SNTG1: variants seen among roughly 807,000 people sequenced by gnomAD.
SNTG1 encodes syntrophin gamma 1, also known as gamma-1-syntrophin.
A neutral mutation model predicts 74.7 loss-of-function variants in SNTG1; 39 were observed. That is an observed-to-expected ratio of 0.52 (90% CI 0.40 to 0.68). SNTG1 has a LOEUF of 0.68. Ranked by LOEUF, SNTG1 falls within the 30% of genes least tolerant of loss-of-function variation. The probability of loss-of-function intolerance (pLI) is 0.00; values close to 1 mark genes in which losing one functional copy is unlikely to be tolerated. For missense variants in SNTG1, 685 were observed against 609.5 expected (o/e 1.12, Z -1.30); for synonymous variants, 254 against 217.1 (o/e 1.17, Z -1.49).
intron 8 of SNTG1, among the ~76,000 whole-genome samples, chr8:50,451,461 G>C (rs1170657277): frequency 6.6e-6 from 1 of 152,146 alleles, no homozygotes; most frequent in Non-Finnish European, 1.5e-5. Flanking sequence ...GTCTGTGTGT[G>C]TGAGTTTGTG....
In SNTG1 at chr8:50,449,603, T is replaced by C. The variant is rs570553881; in HGVS notation, c.220-65T>C. 9 of 1,314,534 alleles carry C rather than the reference T, an allele frequency of 6.8e-6. No homozygotes were observed. In the Admixed American group the frequency reaches 9.0e-5, roughly 13 times the overall value. 81.4% of individuals were successfully genotyped at this position (1,314,534 alleles called of 1,614,324 possible). A position where few individuals can be genotyped will look rare whatever the true frequency, so the allele number is the denominator to read the frequency against. ...AACATTCCCTTCAGAGCCTGTATGG[T>C]TTCTTAGCTAAAAGCAGCATTTTTT... On this transcript the variant is annotated intron_variant, in intron 5 of 18. Transcript: ENST00000642720.
chr8:50,621,243 C>T (rs1484204616), intron 13 of SNTG1, among the ~76,000 whole-genome samples: 1 of 152,028 alleles, frequency 6.6e-6, no homozygotes, highest in African/African-American at 2.4e-5. Flanking sequence ...GTGACTCAGA[C>T]CATGCCTCCA....
chr8:50,328,936 C>T (rs1375952404), intron 2 of SNTG1, among the ~76,000 whole-genome samples: 2 of 152,220 alleles, frequency 1.3e-5, no homozygotes, highest in African/African-American at 2.4e-5. Context: ...AAGTTAGGTA[C>T]TTCCAAGACA....
intron 2 of SNTG1, among the ~76,000 whole-genome samples, chr8:50,195,722 G>C (rs1164648731): frequency 1.3e-5 from 2 of 152,140 alleles, no homozygotes; most frequent in Admixed American, 6.6e-5. Flanking sequence ...TTTTCCACTG[G>C]GGGTGTGTGT....
chr8:50,730,562 C>T (rs775759703), intron 17 of SNTG1, among the ~76,000 whole-genome samples: 1 of 152,040 alleles, frequency 6.6e-6, no homozygotes, highest in Non-Finnish European at 1.5e-5. Flanking sequence ...GTTTTGCAGA[C>T]GTGATATAAC....
chr8:50,663,398 A>G (rs2095234914), intron 15 of SNTG1, among the ~76,000 whole-genome samples: 1 of 152,118 alleles, frequency 6.6e-6, no homozygotes, highest in Admixed American at 6.6e-5. Context: ...TGAGATGGAG[A>G]TGAAGGGGCC....
At chr8:50,236,651 C>A (rs989131611) in intron 2 of SNTG1, among the ~76,000 whole-genome samples, 1 of 152,042 alleles carries the variant, frequency 6.6e-6, no homozygotes, top group South Asian at 2.1e-4. Flanking sequence ...GGGGTTTCAC[C>A]GTGTTAGCCA....
intron 1 of SNTG1, among the ~76,000 whole-genome samples, chr8:49,952,260 A>ATGCTTTAT (rs1235851611): frequency 2.0e-5 from 3 of 152,210 alleles, no homozygotes; most frequent in Admixed American, 2.0e-4. Flanking sequence ...GAAAGACAGT[A>ATGCTTTAT]GACAGATTAT....
intron 1 of SNTG1, among the ~76,000 whole-genome samples, chr8:50,076,453 A>T (rs1821899782): frequency 6.6e-6 from 1 of 152,226 alleles, no homozygotes; most frequent in African/African-American, 2.4e-5. Context: ...TTTCTTTCCA[A>T]GAAGAACCAT....
At chr8:50,239,304 C>T (rs1444974386) in intron 2 of SNTG1, among the ~76,000 whole-genome samples, 1 of 152,102 alleles carries the variant, frequency 6.6e-6, no homozygotes, top group African/African-American at 2.4e-5. Context: ...AGATAGTACC[C>T]AAGACTGGGT....
intron 8 of SNTG1, among the ~76,000 whole-genome samples, chr8:50,498,531 T>C (rs191571934): frequency 2.0e-5 from 3 of 151,898 alleles, no homozygotes; most frequent in South Asian, 2.1e-4. Flanking sequence ...TTACAAATAT[T>C]TTCTCAAAGT....
chr8:50,193,877 T>C (rs2083668028), intron 2 of SNTG1, among the ~76,000 whole-genome samples: 1 of 152,152 alleles, frequency 6.6e-6, no homozygotes, highest in African/African-American at 2.4e-5. Context: ...GTTTTAATCA[T>C]AAAGAGATGC....
intron 2 of SNTG1, among the ~76,000 whole-genome samples, chr8:50,194,984 T>TG (rs1211237543): frequency 2.0e-5 from 3 of 152,088 alleles, no homozygotes; most frequent in African/African-American, 4.8e-5. Flanking sequence ...AGACAGGCGG[T>TG]GGGCAGGGCC....
chr8:50,291,504 C>T (rs753250236), intron 2 of SNTG1, among the ~76,000 whole-genome samples: 18 of 151,936 alleles, frequency 1.2e-4, no homozygotes, highest in Admixed American at 2.6e-4. Flanking sequence ...TGTTTGAAGG[C>T]CAGTGACATA....
rs2081513090 is a variant in SNTG1 at position 50,137,531 on chromosome 8, G to GT, written c.-102-35029dup. ...GTGGAGGAGGACAGTCACTCATTAA[G>GT]TAAATGCGTACGTAGATAGTATGTT... On this transcript the variant is annotated intron_variant, in intron 1 of 18. Coordinates refer to ENST00000642720, the MANE Select transcript of SNTG1 (RefSeq NM_018967.5). Among the ~76,000 whole-genome samples, 5 of 152,334 alleles carry GT rather than the reference G, an allele frequency of 3.3e-5. 1 individual carries two copies. In the South Asian group the frequency reaches 1.0e-3, roughly 32 times the overall value.
chr8:50,039,074 G>T (rs1383630988), intron 1 of SNTG1, among the ~76,000 whole-genome samples: 3 of 152,110 alleles, frequency 2.0e-5, no homozygotes, highest in African/African-American at 7.2e-5. Context: ...GGGGTCGTTT[G>T]CTTAAGATGG....
intron 13 of SNTG1, among the ~76,000 whole-genome samples, chr8:50,602,157 A>G (rs1167196274): frequency 2.0e-5 from 3 of 151,324 alleles, no homozygotes. Flanking sequence ...TTATTTTGCT[A>G]TTTGTTTTCT....
chr8:50,154,493 T>C (rs147882333), intron 1 of SNTG1, among the ~76,000 whole-genome samples: 12 of 152,252 alleles, frequency 7.9e-5, no homozygotes, highest in African/African-American at 2.9e-4. Flanking sequence ...CAGTTGGAAG[T>C]GCAGAAATCA....
At chr8:50,297,946 G>C (rs1034339877) in intron 2 of SNTG1, among the ~76,000 whole-genome samples, 7 of 150,662 alleles carry the variant, frequency 4.6e-5, no homozygotes, top group Middle Eastern at 3.2e-3. Context: ...AAAAATAGAA[G>C]TAAAATATTG....
Sources: gnomAD v4.1 joint callset for allele counts (sites outside exome capture counted in the v4.1 genomes callset) on GRCh38, gnomAD v4.1.1 for gene constraint, MANE v1.5 for transcripts, NCBI Gene and HGNC (gene_info 2026-07-23, HGNC 2026-07-21) for gene names.